The following TTC39C variants were observed in gnomAD, a reference collection of about 807,000 sequenced individuals.
TTC39C encodes the protein tetratricopeptide repeat protein 39C.
TTC39C carries 33 observed loss-of-function variants against 76.3 expected under a neutral mutation model. That is an observed-to-expected ratio of 0.43 (90% CI 0.33 to 0.58). The LOEUF is 0.58. Among genes scored for constraint, TTC39C ranks in the 20% least tolerant of loss-of-function variants. The pLI is 0.04. For synonymous variants in TTC39C, 254 were observed against 260.6 expected, an observed-to-expected ratio of 0.97 and a Z score of 0.24; for missense variants, 595 against 701.4, an observed-to-expected ratio of 0.85 and a Z score of 1.71.
chr18:24,101,418 C>T (rs2069845220), intron 6 of TTC39C, among the ~76,000 whole-genome samples: 1 of 152,028 alleles, frequency 6.6e-6, no homozygotes. Flanking sequence ...ACCATCCTGG[C>T]CAACACAGGG....
upstream of TTC39C, among the ~76,000 whole-genome samples, chr18:24,013,687 T>C (rs2083411473): frequency 2.0e-5 from 3 of 152,234 alleles, no homozygotes; most frequent in Non-Finnish European, 4.4e-5. Context: ...AGCATAATCT[T>C]GATTGCAACA....
intron 1 of TTC39C, among the ~76,000 whole-genome samples, chr18:24,035,850 T>C (rs769561941): frequency 6.6e-6 from 1 of 152,248 alleles, no homozygotes; most frequent in Non-Finnish European, 1.5e-5. Flanking sequence ...CAAGAAACCA[T>C]TGCCAAATCC....
chr18:24,123,368 T>C lies in TTC39C; in HGVS notation c.1187-466T>C, dbSNP rs114847508. ...AAGGACTGCAGGACGGTGCAGTCCT[T>C]TGTGGAACAGTCTTTTTTTTGTTTG... On this transcript the variant is annotated intron_variant, in intron 8 of 13. Coordinates refer to ENST00000317571, the MANE Select transcript of TTC39C (RefSeq NM_001135993.2). Among the ~76,000 whole-genome samples, 849 of 150,004 alleles carry C rather than the reference T, an allele frequency of 5.7e-3. 6 individuals are homozygous for C. The highest frequency in any genetic ancestry group is 0.019 in the African/African-American group (781 of 41,036).
chr18:24,038,265 C>T (rs1389734876), intron 1 of TTC39C, among the ~76,000 whole-genome samples: 2 of 152,158 alleles, frequency 1.3e-5, no homozygotes, highest in Non-Finnish European at 2.9e-5. Context: ...GGACAATCTA[C>T]ACAGCATGTA....
At chr18:24,109,983 C>T (rs767331896) in intron 6 of TTC39C, among the ~76,000 whole-genome samples, 1 of 152,036 alleles carries the variant, frequency 6.6e-6, no homozygotes, top group Middle Eastern at 3.2e-3. Flanking sequence ...TGCACTCAAG[C>T]CTGCACAACA....
chr18:23,993,562 A>G (rs2145618390), intron 1 of TTC39C, among the ~76,000 whole-genome samples: 1 of 152,320 alleles, frequency 6.6e-6, no homozygotes, highest in Non-Finnish European at 1.5e-5. Flanking sequence ...TAAAAATGTC[A>G]CTGTGAATTT....
chr18:24,063,871 T>C (rs1178599906), intron 1 of TTC39C, among the ~76,000 whole-genome samples: 1 of 152,180 alleles, frequency 6.6e-6, no homozygotes, highest in Admixed American at 6.6e-5. Flanking sequence ...AGTTACAAAG[T>C]TTACTAAGGC....
chr18:24,018,489 A>G (rs892605189), intron 1 of TTC39C, among the ~76,000 whole-genome samples: 1 of 152,146 alleles, frequency 6.6e-6, no homozygotes, highest in East Asian at 1.9e-4. Context: ...GTTAGGTGCC[A>G]AAGACATGTG....
chr18:24,027,615 C>T (rs1028864135), intron 1 of TTC39C, among the ~76,000 whole-genome samples: 1 of 151,168 alleles, frequency 6.6e-6, no homozygotes, highest in Admixed American at 6.6e-5. Flanking sequence ...GCTGCAGTGC[C>T]GTGGCATGAT....
intron 1 of TTC39C, chr18:24,022,548 A>G: frequency 1.0e-6 from 1 of 985,158 alleles, no homozygotes; most frequent in South Asian, 4.7e-5. Flanking sequence ...CAGAACTTCT[A>G]CAGTAAAAGG....
At chr18:24,019,751 G>T (rs1342253660) in intron 1 of TTC39C, 1 of 822,926 alleles carries the variant, frequency 1.2e-6, no homozygotes, top group Non-Finnish European at 1.8e-6. Context: ...ATGCTCATTT[G>T]GTTATGTGTG....
intron 2 of TTC39C, 35 bp downstream of exon 2, chr18:24,064,223 G>A: frequency 1.2e-6 from 2 of 1,610,272 alleles, no homozygotes; most frequent in Non-Finnish European, 8.5e-7. Context: ...TGGCATGAAG[G>A]AAACAATTAT....
chr18:24,043,164 T>A (rs2083818957), intron 1 of TTC39C, among the ~76,000 whole-genome samples: 2 of 152,170 alleles, frequency 1.3e-5, no homozygotes, highest in South Asian at 4.1e-4. Context: ...GAAAATTAAG[T>A]TGAAGCAGTA....
At chr18:24,029,994 C>T (rs1011933214) in intron 1 of TTC39C, among the ~76,000 whole-genome samples, 2 of 152,168 alleles carry the variant, frequency 1.3e-5, no homozygotes, top group Non-Finnish European at 2.9e-5. Context: ...CATATAATGA[C>T]TTCTTTTCTT....
At chr18:24,029,607 C>T (rs148325706) in intron 1 of TTC39C, among the ~76,000 whole-genome samples, 11 of 152,168 alleles carry the variant, frequency 7.2e-5, no homozygotes, top group Non-Finnish European at 1.2e-4. Flanking sequence ...TACCTATCAC[C>T]CAAGCAGTGT....
intron 6 of TTC39C, among the ~76,000 whole-genome samples, chr18:24,096,166 G>A (rs529189202): frequency 2.0e-5 from 3 of 152,236 alleles, no homozygotes; most frequent in East Asian, 3.9e-4. Flanking sequence ...ACAGAGACAC[G>A]AAGTGAGCTC....
intron 3 of TTC39C, 62 bp downstream of exon 3, chr18:24,066,202 C>G: frequency 6.5e-7 from 1 of 1,530,636 alleles, no homozygotes; most frequent in Non-Finnish European, 8.7e-7. Context: ...CACTTTTGTT[C>G]ATTTAGAACA....
At chr18:24,091,103 G>A (rs776983511) in intron 6 of TTC39C, among the ~76,000 whole-genome samples, 1 of 152,156 alleles carries the variant, frequency 6.6e-6, no homozygotes, top group Non-Finnish European at 1.5e-5. Context: ...CGCCACGCCC[G>A]GCCTTATGAT....
chr18:24,128,677 A>G (rs902775355), intron 10 of TTC39C, among the ~76,000 whole-genome samples: 1 of 152,188 alleles, frequency 6.6e-6, no homozygotes, highest in African/African-American at 2.4e-5. Context: ...ACAGTACCTC[A>G]TACAAACATG....
Sources: gnomAD v4.1 joint callset for allele counts (sites outside exome capture counted in the v4.1 genomes callset) on GRCh38, gnomAD v4.1.1 for gene constraint, MANE v1.5 for transcripts, NCBI Gene and HGNC (gene_info 2026-07-23, HGNC 2026-07-21) for gene names.